ARHGAP6: variants seen among roughly 807,000 people sequenced by gnomAD.
The protein encoded by ARHGAP6 is Rho GTPase activating protein 6.
Under a neutral mutation model 55.7 loss-of-function variants are expected in ARHGAP6, and 16 were observed. The ratio of observed to expected loss-of-function variants is 0.29; its 90% confidence interval spans 0.19 to 0.44. The LOEUF is 0.44. Ranked by LOEUF, ARHGAP6 falls within the 20% of genes least tolerant of loss-of-function variation. The pLI is 1.00. For synonymous variants in ARHGAP6, 382 were observed against 360.9 expected (o/e 1.06, Z -0.66); for missense variants, 698 against 808.9 (o/e 0.86, Z 1.66).
chrX:11,240,863 G>A (rs2047265943), intron 2 of ARHGAP6, among the ~76,000 whole-genome samples: 1 of 101,765 alleles, frequency 9.8e-6, no homozygotes, highest in Non-Finnish European at 2.0e-5. Context: ...TGGGCAACGT[G>A]CTGAAATCCT....
At chrX:11,269,474 T>C (rs1352606359) in intron 1 of ARHGAP6, among the ~76,000 whole-genome samples, 1 of 112,303 alleles carries the variant, frequency 8.9e-6, no homozygotes, top group Non-Finnish European at 1.9e-5. Context: ...GTAATGCTTT[T>C]ATCTTTCAAA....
intron 1 of ARHGAP6, chrX:11,296,768 C>G: frequency 8.3e-7 from 1 of 1,207,353 alleles, no homozygotes; most frequent in Non-Finnish European, 1.1e-6. Context: ...CTCCCCTCCT[C>G]CCTGTAAAAG....
chrX:11,622,666 T>C (rs2052243888), intron 1 of ARHGAP6, among the ~76,000 whole-genome samples: 1 of 111,383 alleles, frequency 9.0e-6, no homozygotes, highest in Non-Finnish European at 1.9e-5. Context: ...ATTTCCTTGA[T>C]CCTAGATCAA....
chrX:11,394,390 G>A lies in ARHGAP6; in HGVS notation c.589-139683C>T, dbSNP rs192524912. ...ACCTGGGGCTGGGGGTGGGAACAGG[G>A]AATGACTGCAAATGGGGATGAACAA... On this transcript the variant is annotated intron_variant, in intron 1 of 12. Transcript: ENST00000337414. 2.3e-3 allele frequency among the ~76,000 whole-genome samples: 258 copies of A among 111,526 alleles called. 1 individual carries two copies. The highest frequency in any genetic ancestry group is 9.3e-3 in the Middle Eastern group (2 of 216).
chrX:11,182,210 C>T (rs181989245), intron 5 of ARHGAP6, 92 bp from the exon 6 acceptor site: 4 of 701,446 alleles, frequency 5.7e-6, no homozygotes, highest in Admixed American at 5.5e-5. Flanking sequence ...AGCACAGTGC[C>T]GTAACATGTA....
chrX:11,392,615 T>C (rs1183331343), intron 1 of ARHGAP6, among the ~76,000 whole-genome samples: 1 of 111,792 alleles, frequency 8.9e-6, no homozygotes, highest in Non-Finnish European at 1.9e-5. Flanking sequence ...CTCAAATTGA[T>C]TGTCTCATTT....
chrX:11,430,780 G>A (rs995555451), intron 1 of ARHGAP6, among the ~76,000 whole-genome samples: 3 of 111,850 alleles, frequency 2.7e-5, no homozygotes, highest in Non-Finnish European at 3.8e-5. Flanking sequence ...GGGTAACAGT[G>A]TAATTTCATT....
At chrX:11,396,618 ACTTAGAAGGC>A (rs753673837) in intron 1 of ARHGAP6, among the ~76,000 whole-genome samples, 2 of 111,976 alleles carry the variant, frequency 1.8e-5, no homozygotes, top group East Asian at 5.6e-4. Context: ...TTCTGACAGT[ACTTAGAAGGC>A]AAGGTAACAT....
chrX:11,574,431 C>G (rs5979418), intron 1 of ARHGAP6, among the ~76,000 whole-genome samples: 22,839 of 105,935 alleles, frequency 0.22, 2,165 homozygotes, highest in Middle Eastern at 0.29. Flanking sequence ...ATATGCAAAT[C>G]AATAAATGTA....
Position 11,215,830 on chromosome X carries a change from C to A in ARHGAP6, c.749-18834G>T, listed in dbSNP as rs185770390. Reference sequence around the variant, plus strand: ...GGCACACAGGCAGCAGACAGTCAGCCCGAGGCCCCCAGCCCCTATGTTGCT... The same window carrying A: ...GGCACACAGGCAGCAGACAGTCAGCACGAGGCCCCCAGCCCCTATGTTGCT... On this transcript the variant is annotated intron_variant, in intron 2 of 12. Coordinates refer to ENST00000337414, the MANE Select transcript of ARHGAP6 (RefSeq NM_013427.3). Among the ~76,000 whole-genome samples the A allele has an allele frequency of 3.8e-4, 43 of 112,539 alleles. 2 individuals are homozygous for A. In the East Asian group the frequency reaches 0.01, roughly 27 times the overall value.
chrX:11,410,961 A>G (rs1489988027), intron 1 of ARHGAP6, among the ~76,000 whole-genome samples: 2 of 107,846 alleles, frequency 1.9e-5, no homozygotes, highest in African/African-American at 6.7e-5. Flanking sequence ...AAAAAATAAA[A>G]AGAGAGAAAC....
At chrX:11,533,107 T>C (rs1302412492) in intron 1 of ARHGAP6, among the ~76,000 whole-genome samples, 2 of 111,578 alleles carry the variant, frequency 1.8e-5, no homozygotes, top group Non-Finnish European at 3.8e-5. Flanking sequence ...ATAAAGAAGA[T>C]GAGAATGCAT....
At chrX:11,173,163 T>C (rs1275635924) in intron 8 of ARHGAP6, among the ~76,000 whole-genome samples, 1 of 112,210 alleles carries the variant, frequency 8.9e-6, no homozygotes, top group African/African-American at 3.2e-5. Flanking sequence ...ATCCCATTGC[T>C]ACATCTCTTC....
chrX:11,649,238 G>A (rs2052560547), intron 1 of ARHGAP6, among the ~76,000 whole-genome samples: 1 of 111,553 alleles, frequency 9.0e-6, no homozygotes, highest in Non-Finnish European at 1.9e-5. Context: ...CCACACATGT[G>A]AATGAAGACA....
In ARHGAP6 at chrX:11,178,232, T is replaced by C; in HGVS notation, c.1497A>G (p.Glu499=). ...FINTLLLEPE[E]QLGTLQLLIY... The stretch of plus-strand genomic sequence containing the variant: ...TGAGGAGCTGCAAGGTGCCCAGCTG[T>C]TCCTCCGGCTCCAACACTAAGCAAG... Residue 499 remains glutamate (E), a synonymous_variant, in exon 8 of 13, where the codon GAA becomes GAG. Coordinates refer to ENST00000337414, the MANE Select transcript of ARHGAP6 (RefSeq NM_013427.3). 1.7e-6 allele frequency: 2 copies of C among 1,206,910 alleles called. No individual in the cohort carries two copies. Among genetic ancestry groups the C allele is most frequent in the African/African-American group, 1.7e-5 (1 of 57,513 alleles).
chrX:11,474,798 A>G (rs1006147183), intron 1 of ARHGAP6, among the ~76,000 whole-genome samples: 1 of 110,959 alleles, frequency 9.0e-6, no homozygotes, highest in Non-Finnish European at 1.9e-5. Flanking sequence ...ACTTGGTGCC[A>G]TTTTTGCAGT....
chrX:11,170,278 T>C (rs969976041), intron 8 of ARHGAP6, among the ~76,000 whole-genome samples: 1 of 111,595 alleles, frequency 9.0e-6, no homozygotes, highest in Non-Finnish European at 1.9e-5. Flanking sequence ...GCACAAACTC[T>C]CAAAAGAAGA....
intron 8 of ARHGAP6, among the ~76,000 whole-genome samples, chrX:11,172,841 C>T (rs956402166): frequency 9.0e-6 from 1 of 111,632 alleles, no homozygotes; most frequent in Non-Finnish European, 1.9e-5. Context: ...ACACTCGAGC[C>T]AGGCCATTAC....
intron 2 of ARHGAP6, among the ~76,000 whole-genome samples, chrX:11,228,215 G>GTCTT (rs2047082427): frequency 8.9e-6 from 1 of 111,742 alleles, no homozygotes; most frequent in South Asian, 3.7e-4. Context: ...AAGACTGACA[G>GTCTT]TCTTTTTCTG....
Sources: allele counts gnomAD v4.1 joint callset (sites outside exome capture counted in the v4.1 genomes callset), GRCh38; gene constraint gnomAD v4.1.1; transcripts MANE v1.5; gene names NCBI Gene and HGNC (gene_info 2026-07-23, HGNC 2026-07-21).